Variants in SIMC1 observed in about 807,000 individuals in gnomAD.
SIMC1 encodes SUMO interacting motifs containing 1.
Under a neutral mutation model 82.3 loss-of-function variants are expected in SIMC1, and 55 were observed. The observed-to-expected ratio is 0.67, with a 90% CI of 0.54 to 0.84. The LOEUF is 0.84. Ranked by LOEUF, SIMC1 falls within the 40% of genes least tolerant of loss-of-function variation. SIMC1 has a pLI of 0.00. For synonymous variants in SIMC1, 353 were observed against 426.3 expected (o/e 0.83, Z 2.12); for missense variants, 915 against 1,107.2 (o/e 0.83, Z 2.46).
At chr5:176,296,441 A>G (rs1763821161) in intron 4 of SIMC1, 121 bp downstream of exon 4, 1 of 1,531,708 alleles carries the variant, frequency 6.5e-7, no homozygotes, top group Non-Finnish European at 8.9e-7. Flanking sequence ...AGGCAGGAGG[A>G]CAGTTTGAGC....
intron 1 of SIMC1, among the ~76,000 whole-genome samples, chr5:176,282,145 C>G (rs971825780): frequency 3.3e-5 from 5 of 152,250 alleles, no homozygotes; most frequent in African/African-American, 9.6e-5. Flanking sequence ...GCGGGCGCCC[C>G]TCCTGCAGCC....
intron 1 of SIMC1, among the ~76,000 whole-genome samples, chr5:176,245,937 C>G (rs1243526712): frequency 6.6e-6 from 1 of 151,664 alleles, no homozygotes; most frequent in Non-Finnish European, 1.5e-5. Context: ...TTTTGCAGAG[C>G]CTTTTGTGGT....
chr5:176,287,835 T>C (rs1426079219), intron 1 of SIMC1, among the ~76,000 whole-genome samples: 3 of 152,056 alleles, frequency 2.0e-5, no homozygotes, highest in Non-Finnish European at 2.9e-5. Flanking sequence ...CAATGGACAA[T>C]TGGAAAATGA....
At position 176,289,938 on chromosome 5, in the gene SIMC1, C is replaced by G; in HGVS notation, c.414C>G (p.Asn138Lys). 1 of 1,613,918 alleles carries G rather than the reference C, an allele frequency of 6.2e-7. No individual in the cohort carries two copies. Among genetic ancestry groups the G allele is most frequent in the Non-Finnish European group, 8.5e-7 (1 of 1,179,876 alleles). ...TAGATTTGGACCTAGTGGAAGAAAA[C>G]ACCTTTGTAGGTCCCCCACCCGCTA... Reference protein sequence around the residue: ...DPVDLDLVEENTFVGPPPATS... With the variant: ...DPVDLDLVEEKTFVGPPPATS... Residue 138 changes from asparagine to lysine, a missense_variant, in exon 2 of 10, where the codon AAC becomes AAG. Physicochemically the swap from Asn to Lys is moderately conservative, Grantham distance 94 (BLOSUM62 0). Around this residue, in one of 2 missense-constraint regions of SIMC1, gnomAD observed 902 missense variants for 1,040.3 expected, o/e 0.87. Transcript: ENST00000429602.
intron 1 of SIMC1, among the ~76,000 whole-genome samples, chr5:176,256,085 T>G (rs1761843565): frequency 1.3e-5 from 2 of 152,090 alleles, no homozygotes; most frequent in Admixed American, 6.6e-5. Context: ...AAATTACCAT[T>G]CTAAATGAAG....
At chr5:176,313,415 T>C (rs1212741642) in intron 4 of SIMC1, 4 of 1,546,394 alleles carry the variant, frequency 2.6e-6, no homozygotes, top group Admixed American at 2.0e-5. Context: ...AAAATTATAA[T>C]TATCTGCAGA....
intron 1 of SIMC1, among the ~76,000 whole-genome samples, chr5:176,247,280 A>C (rs1761483822): frequency 6.6e-6 from 1 of 152,050 alleles, no homozygotes; most frequent in African/African-American, 2.4e-5. Context: ...TTGGTTCCTG[A>C]CTTTTTAATG....
At chr5:176,303,470 C>A in intron 4 of SIMC1, among the ~76,000 whole-genome samples, 1 of 151,764 alleles carries the variant, frequency 6.6e-6, no homozygotes, top group East Asian at 1.9e-4. Context: ...TACAGGCATG[C>A]GCCACCATGC....
chr5:176,248,387 C>G (rs1053139078), intron 1 of SIMC1, among the ~76,000 whole-genome samples: 10 of 152,070 alleles, frequency 6.6e-5, no homozygotes, highest in African/African-American at 1.9e-4. Flanking sequence ...TGGGAGCTTG[C>G]TCATGATTTG....
chr5:176,278,856 A>G (rs1006828092), intron 1 of SIMC1, among the ~76,000 whole-genome samples: 2 of 150,196 alleles, frequency 1.3e-5, no homozygotes, highest in African/African-American at 4.9e-5. Context: ...GTTTGCCAGT[A>G]TTTTATTGAG....
At chr5:176,246,011 G>C (rs936213166) in intron 1 of SIMC1, among the ~76,000 whole-genome samples, 1 of 150,770 alleles carries the variant, frequency 6.6e-6, no homozygotes, top group African/African-American at 2.4e-5. Context: ...TATTTGTCAA[G>C]GTTTTTTTTT....
Position 176,284,209 on chromosome 5 carries a change from G to C in SIMC1, c.130-5445G>C, listed in dbSNP as rs527741409. 3.4e-3 allele frequency among the ~76,000 whole-genome samples: 515 copies of C among 152,178 alleles called. 4 individuals carry two copies. Among genetic ancestry groups the C allele is most frequent in the African/African-American group, 0.012 (484 of 41,538 alleles). Reference sequence around the variant, plus strand: ...ATCTACAGAACTCTCCACCCCAAATGAACAGAATATACATTCTTCTCAGCA... The same window carrying C: ...ATCTACAGAACTCTCCACCCCAAATCAACAGAATATACATTCTTCTCAGCA... On this transcript the variant is annotated intron_variant, in intron 1 of 9. Transcript: ENST00000429602.
At position 176,339,796 on chromosome 5, in the gene SIMC1, G is replaced by T. The variant is rs550195761; in HGVS notation, c.2413+2650G>T. On this transcript the variant is annotated intron_variant, in intron 9 of 9. Transcript: ENST00000429602. ...AAATGTTTGTTCCAGCTTCTTTGGG[G>T]TCCAAGAGTTAGGAAGGAGGAAAAT... Among the ~76,000 whole-genome samples the T allele has an allele frequency of 7.9e-5, 12 of 152,306 alleles. No individual in the cohort carries two copies. The East Asian group carries it at 1.7e-3, about 22-fold the overall frequency.
intron 4 of SIMC1, among the ~76,000 whole-genome samples, chr5:176,300,563 T>C (rs371788574): frequency 0.087 from 12,577 of 143,822 alleles, 632 homozygotes; most frequent in Admixed American, 0.12. Flanking sequence ...CTCAAGTGAT[T>C]CTCCCACCTT....
chr5:176,339,957 TC>T (rs771521247), intron 9 of SIMC1, among the ~76,000 whole-genome samples: 1 of 152,122 alleles, frequency 6.6e-6, no homozygotes, highest in Non-Finnish European at 1.5e-5. Flanking sequence ...CTGCGAGTGG[TC>T]TGTGGATGTT....
At chr5:176,254,360 G>A (rs1761783165) in intron 1 of SIMC1, among the ~76,000 whole-genome samples, 1 of 151,834 alleles carries the variant, frequency 6.6e-6, no homozygotes, top group African/African-American at 2.4e-5. Flanking sequence ...GCATGAAAAT[G>A]TCAACTTATT....
At chr5:176,294,540 A>G (rs1763718238) in intron 2 of SIMC1, among the ~76,000 whole-genome samples, 1 of 150,074 alleles carries the variant, frequency 6.7e-6, no homozygotes, top group African/African-American at 2.4e-5. Context: ...TGGCCTCCCA[A>G]AGTGCTGGGA....
chr5:176,305,579 TG>T (rs1305233235), intron 4 of SIMC1, among the ~76,000 whole-genome samples: 1 of 119,078 alleles, frequency 8.4e-6, no homozygotes, highest in Non-Finnish European at 1.8e-5. Context: ...GGGAGGGAGG[TG>T]GGGGGGTCAG....
At position 176,265,510 on chromosome 5, in the gene SIMC1, A is replaced by G. The variant is rs115583966; in HGVS notation, c.130-24144A>G. Among the ~76,000 whole-genome samples the G allele has an allele frequency of 7.1e-3, 1,074 of 152,290 alleles. 15 individuals carry two copies. Among genetic ancestry groups the G allele is most frequent in the African/African-American group, 0.024 (997 of 41,556 alleles). ...CAATTTCTTAAATCCAAAGCCCCAA[A>G]AGAAAAGTGTTCTGGTTTCTGAGCT... On this transcript the variant is annotated intron_variant, in intron 1 of 9. Coordinates refer to ENST00000429602, the MANE Select transcript of SIMC1 (RefSeq NM_001308195.2).
Sources: allele counts gnomAD v4.1 joint callset (sites outside exome capture counted in the v4.1 genomes callset), GRCh38; gene constraint gnomAD v4.1.1; regional missense constraint gnomAD v4.1.1; transcripts MANE v1.5; gene names NCBI Gene and HGNC (gene_info 2026-07-23, HGNC 2026-07-21).